The following SEMA5B variants were observed in gnomAD, a reference collection of about 807,000 sequenced individuals.
SEMA5B encodes semaphorin 5B.
A neutral mutation model predicts 135.0 loss-of-function variants in SEMA5B; 66 were observed. The observed-to-expected ratio is 0.49, with a 90% CI of 0.40 to 0.60. SEMA5B has a LOEUF of 0.60. SEMA5B is among the 20% of genes least tolerant of loss of function. The pLI is 0.00. For missense variants in SEMA5B, 1,501 were observed against 1,566.3 expected (o/e 0.96, Z 0.70); for synonymous variants, 690 against 639.5 (o/e 1.08, Z -1.19).
chr3:123,023,031 A>G (rs555630926), intron 1 of SEMA5B, among the ~76,000 whole-genome samples: 2 of 152,308 alleles, frequency 1.3e-5, no homozygotes. Flanking sequence ...CTCCTCAGCT[A>G]AGGCAGATGT....
chr3:123,008,199 A>T (rs1160084395), intron 1 of SEMA5B, among the ~76,000 whole-genome samples: 1 of 152,236 alleles, frequency 6.6e-6, no homozygotes, highest in Non-Finnish European at 1.5e-5. Flanking sequence ...TTGCATCTCA[A>T]CTTGGTAAAA....
chr3:122,912,904 C>T lies in SEMA5B; in HGVS notation c.2664G>A (p.Gly888=), dbSNP rs147850451. 278 of 1,611,376 alleles carry T rather than the reference C, an allele frequency of 1.7e-4. 1 individual carries two copies. The Middle Eastern group carries it at 2.6e-3, about 15-fold the overall frequency. Residue 888 remains glycine (G), a synonymous_variant, in exon 18 of 23, where the codon GGG becomes GGA. Transcript: ENST00000357599. ...RTCTNPEPRN[G]GLPCVGDAAE... is the part of the protein sequence containing the mutation. ...CAGCATCGCCCACGCAGGGCAGGCC[C>T]CCGTTGCGGGGCTCCGGGTTAGTGC...
chr3:123,018,000 G>T (rs1942600638), intron 1 of SEMA5B, among the ~76,000 whole-genome samples: 2 of 152,180 alleles, frequency 1.3e-5, no homozygotes, highest in South Asian at 4.1e-4. Flanking sequence ...CTGGGGTGCA[G>T]CCCAAGAATT....
chr3:122,941,039 A>G (rs1326843575), intron 4 of SEMA5B, among the ~76,000 whole-genome samples: 1 of 152,236 alleles, frequency 6.6e-6, no homozygotes, highest in Non-Finnish European at 1.5e-5. Context: ...GAGAACAGAG[A>G]GAAATCTCTG....
intron 1 of SEMA5B, among the ~76,000 whole-genome samples, chr3:123,023,212 C>A (rs1221384964): frequency 6.6e-6 from 1 of 152,058 alleles, no homozygotes; most frequent in Non-Finnish European, 1.5e-5. Context: ...CATTTAAGAC[C>A]AAGTTAGTTA....
At chr3:122,959,934 T>G (rs1428419395) in intron 2 of SEMA5B, among the ~76,000 whole-genome samples, 1 of 152,218 alleles carries the variant, frequency 6.6e-6, no homozygotes, top group Non-Finnish European at 1.5e-5. Flanking sequence ...CTTGCCTACT[T>G]TAATTGCTGA....
intron 5 of SEMA5B, among the ~76,000 whole-genome samples, chr3:122,935,686 C>CTTTCTTTTTTTTTTTTTTTTTTTTT (rs1939233868): frequency 3.1e-4 from 22 of 70,258 alleles, no homozygotes; most frequent in South Asian, 5.9e-4. Context: ...TTCTTTCTTT[C>CTTTCTTTTTTTTTTTTTTTTTTTTT]TTTTTTTTTT....
At position 122,911,966 on chromosome 3, in the gene SEMA5B, A is replaced by T. The variant is rs1035644217; in HGVS notation, c.3000T>A (p.Ala1000=). The T allele has an allele frequency of 1.1e-5, 17 of 1,611,644 alleles. No individual in the cohort carries two copies. The highest frequency in any genetic ancestry group is 1.4e-5 in the Non-Finnish European group (16 of 1,178,622). The change falls in exon 20 of 23, where the codon GCT becomes GCA. Residue 1000 remains alanine, a synonymous_variant. Transcript: ENST00000357599. ...EELLPGSSAC[A]GNSSQSRPCP... is the part of the protein sequence containing the mutation. ...AGGGGCGGCTCTGGCTGCTGTTTCC[A>T]GCACAGGCGCTGGACCCTGGGAGGA...
chr3:122,913,241 T>C lies in SEMA5B; in HGVS notation c.2464A>G (p.Arg822Gly). The change falls in exon 17 of 23, where the codon AGG (arginine) becomes GGG (glycine). Residue 822 changes from arginine to glycine, a missense_variant. Arg to Gly is a moderately radical substitution (Grantham distance 125). This residue lies in a region of SEMA5B where 927 missense variants were observed against 881.6 expected (regional missense o/e 1.05). Transcript: ENST00000357599. ...LQFGRRRTET[R>G]TCPADGSGSC... Reference sequence around the variant, plus strand: ...CCGGAGCCGTCCGCGGGACAGGTCCTCGTCTCGGTCCTTCTCCTGCCGAAC... The same window carrying C: ...CCGGAGCCGTCCGCGGGACAGGTCCCCGTCTCGGTCCTTCTCCTGCCGAAC... The C allele has an allele frequency of 6.3e-7, 1 of 1,585,870 alleles. No homozygotes were observed.
intron 1 of SEMA5B, among the ~76,000 whole-genome samples, chr3:122,990,996 A>C (rs1941856569): frequency 6.6e-6 from 1 of 152,156 alleles, no homozygotes; most frequent in Admixed American, 6.5e-5. Flanking sequence ...GTGTATGCTC[A>C]CACATGCTCC....
At chr3:122,956,491 G>C (rs976864016) in intron 2 of SEMA5B, among the ~76,000 whole-genome samples, 4 of 152,204 alleles carry the variant, frequency 2.6e-5, no homozygotes, top group African/African-American at 9.6e-5. Context: ...GCAGAGAAGT[G>C]GGGGCAGGAG....
In SEMA5B at chr3:122,910,309, TG is replaced by T; in HGVS notation, c.3298-9del. 6.2e-7 allele frequency: 1 copy of T among 1,613,580 alleles called. No homozygotes were observed. Among genetic ancestry groups the T allele is most frequent in the Non-Finnish European group, 8.5e-7 (1 of 1,179,766 alleles). On this transcript the variant is annotated splice_polypyrimidine_tract_variant and intron_variant, in intron 22 of 22. Transcript: ENST00000357599. ...GTTATTCTTGTTCAGGGTCTGTGGG[TG>T]GAAGAAGGAACCAGAGAAAGGGGTG... is the stretch of plus-strand genomic sequence containing the variant.
At chr3:122,997,518 T>TCTC (rs764169923) in intron 1 of SEMA5B, among the ~76,000 whole-genome samples, 7 of 142,882 alleles carry the variant, frequency 4.9e-5, no homozygotes, top group East Asian at 2.0e-4. Flanking sequence ...CCCAGGCCTC[T>TCTC]CCCCCCCCCG....
Position 122,922,534 on chromosome 3 carries a change from G to A in SEMA5B, c.1273-87C>T, listed in dbSNP as rs1237097002. 6 of 1,259,294 alleles carry A rather than the reference G, an allele frequency of 4.8e-6. No homozygotes were observed. The East Asian group carries it at 1.5e-4, about 32-fold the overall frequency. 78.0% of individuals were successfully genotyped at this position (1,259,294 alleles called of 1,614,324 possible). On this transcript the variant is annotated intron_variant, in intron 10 of 22. Coordinates refer to ENST00000357599, the MANE Select transcript of SEMA5B (RefSeq NM_001031702.4). ...GCTCCCTCCTCCTGGCAACCCAGGT[G>A]GCCACAGCAGCGGACGCTGATTCTC...
chr3:123,025,455 A>G (rs1432633095), intron 1 of SEMA5B, among the ~76,000 whole-genome samples: 2 of 152,184 alleles, frequency 1.3e-5, no homozygotes, highest in African/African-American at 2.4e-5. Context: ...ACCTCTTTTT[A>G]TCTACCAGCA....
At chr3:122,926,225 C>A (rs1279973235) in intron 9 of SEMA5B, among the ~76,000 whole-genome samples, 167 bp downstream of exon 9, 1 of 152,258 alleles carries the variant, frequency 6.6e-6, no homozygotes, top group African/African-American at 2.4e-5. Flanking sequence ...TTCCCAGCAA[C>A]CCAGAACACG....
chr3:122,913,417 T>C lies in SEMA5B; in HGVS notation c.2288A>G (p.Lys763Arg), dbSNP rs944580120. ...GGGGCAGCCCTCGGGGTTGCACGTC[T>C]TGAACTCCTGCGGGTGGCGGCAGAG... The part of the protein sequence containing the change: ...NSCLGCGVEF[K>R]TCNPEGCPEV... Residue 763 changes from lysine to arginine, a missense_variant, in exon 17 of 23, where the codon AAG becomes AGG. Physicochemically the swap from Lys to Arg is conservative, Grantham distance 26. Transcript: ENST00000357599. The C allele has an allele frequency of 2.5e-6, 4 of 1,569,856 alleles. No individual in the cohort carries two copies. The African/African-American group carries it at 4.0e-5, about 16-fold the overall frequency.
At position 122,913,073 on chromosome 3, in the gene SEMA5B, C is replaced by T; in HGVS notation, c.2507-12G>A. The T allele has an allele frequency of 6.9e-7, 1 of 1,452,092 alleles. No individual in the cohort carries two copies. The highest frequency in any genetic ancestry group is 1.4e-5 in the South Asian group (1 of 69,504). The allele number at this position is 1,452,092 out of a possible 1,614,324, so 90.0% of individuals were successfully genotyped here. A position where few individuals can be genotyped will look rare whatever the true frequency, so the allele number is the denominator to read the frequency against. ...GACCTCCACCAGGGCTGCGGAGGGG[C>T]TAGGCCTCAGCGACTGGGCGCCCGG... On this transcript the variant is annotated splice_polypyrimidine_tract_variant and intron_variant, in intron 17 of 22. Transcript: ENST00000357599.
At chr3:122,982,950 C>G (rs1343789462) in intron 1 of SEMA5B, among the ~76,000 whole-genome samples, 1 of 152,204 alleles carries the variant, frequency 6.6e-6, no homozygotes, top group Non-Finnish European at 1.5e-5. Flanking sequence ...GAGTCACTCT[C>G]TCCGACCGGC....
Sources: allele counts gnomAD v4.1 joint callset (sites outside exome capture counted in the v4.1 genomes callset), GRCh38; gene constraint gnomAD v4.1.1; regional missense constraint gnomAD v4.1.1; transcripts MANE v1.5; gene names NCBI Gene and HGNC (gene_info 2026-07-23, HGNC 2026-07-21).